PALS1: variants seen among roughly 807,000 people sequenced by gnomAD.
The protein encoded by PALS1 is protein associated with LIN7 1, MAGUK p55 family member.
PALS1 carries 31 observed loss-of-function variants against 78.9 expected under a neutral mutation model. That is an observed-to-expected ratio of 0.39 (90% CI 0.30 to 0.53). The LOEUF is 0.53. Among genes scored for constraint, PALS1 ranks in the 20% least tolerant of loss-of-function variants. The pLI is 0.67. For synonymous variants in PALS1, 276 were observed against 270.9 expected, an observed-to-expected ratio of 1.02 and a Z score of -0.18; for missense variants, 704 against 826.5, an observed-to-expected ratio of 0.85 and a Z score of 1.82.
intron 8 of PALS1, among the ~76,000 whole-genome samples, chr14:67,304,486 G>A (rs903568953): frequency 6.6e-6 from 1 of 152,170 alleles, no homozygotes; most frequent in Admixed American, 6.5e-5. Flanking sequence ...ACTGATATAT[G>A]CTACAACATG....
At chr14:67,271,012 T>C (rs2084399126) in intron 2 of PALS1, 1 of 152,198 alleles carries the variant, frequency 6.6e-6, no homozygotes, top group Admixed American at 6.5e-5. Flanking sequence ...TGCAGGTGCG[T>C]AGTAAAAGAT....
At chr14:67,272,239 T>C (rs971883072) in intron 2 of PALS1, among the ~76,000 whole-genome samples, 1 of 152,224 alleles carries the variant, frequency 6.6e-6, no homozygotes, top group African/African-American at 2.4e-5. Flanking sequence ...TCAAACTTTC[T>C]AGTCCTATCT....
At chr14:67,312,919 A>G (rs1279741895) in intron 9 of PALS1, among the ~76,000 whole-genome samples, 3 of 152,218 alleles carry the variant, frequency 2.0e-5, no homozygotes, top group Non-Finnish European at 4.4e-5. Context: ...GGAATTATGT[A>G]TAACTTCAGC....
intron 14 of PALS1, among the ~76,000 whole-genome samples, chr14:67,327,290 G>A (rs2085373225): frequency 6.6e-6 from 1 of 152,092 alleles, no homozygotes. Context: ...GAGTAGAATT[G>A]CCGGATCAAG....
chr14:67,323,808 C>CA lies in PALS1; in HGVS notation c.1850dup (p.Pro618AlafsTer2). 6.5e-7 allele frequency: 1 copy of CA among 1,540,968 alleles called. No homozygotes were observed. Among genetic ancestry groups the CA allele is most frequent in the Non-Finnish European group, 8.9e-7 (1 of 1,126,306 alleles). ...TTATTGGCCAAAGAAGGCAAGAATCCAAAGGTAAAGTTTTCACACTATTGT... is the reference window on the plus strand; with the variant it reads ...TTATTGGCCAAAGAAGGCAAGAATCCAAAAGGTAAAGTTTTCACACTATTGT... On this transcript the variant is annotated frameshift_variant, in exon 14 of 15. Coordinates refer to ENST00000261681, the MANE Select transcript of PALS1 (RefSeq NM_022474.4). LOFTEE classifies it high-confidence loss of function.
At chr14:67,322,840 G>A (rs10138824) in intron 13 of PALS1, among the ~76,000 whole-genome samples, 22,704 of 152,044 alleles carry the variant, frequency 0.15, 3,172 homozygotes, top group East Asian at 0.42. Context: ...CATTTTGATA[G>A]AGCGTGTCAG....
At chr14:67,249,984 C>T (rs887259048) in intron 1 of PALS1, among the ~76,000 whole-genome samples, 12 of 152,266 alleles carry the variant, frequency 7.9e-5, no homozygotes, top group African/African-American at 2.9e-4. Context: ...ATGTAAGTAA[C>T]GCTTCGGAAA....
In PALS1 at chr14:67,251,369, C is replaced by CA. The variant is rs903284872; in HGVS notation, c.-237+9842dup. Among the ~76,000 whole-genome samples the CA allele has an allele frequency of 4.6e-5, 7 of 152,004 alleles. No individual in the cohort carries two copies. In the East Asian group the frequency reaches 5.8e-4, roughly 13 times the overall value. Reference sequence around the variant, plus strand: ...GCAACACAGTGGGACCCTGTCTCTACAAAAAATACGAAAATTAGCTGGACT... The same window carrying CA: ...GCAACACAGTGGGACCCTGTCTCTACAAAAAAATACGAAAATTAGCTGGACT... On this transcript the variant is annotated intron_variant, in intron 1 of 14. Transcript: ENST00000261681.
At chr14:67,287,617 G>A (rs150777001) in intron 3 of PALS1, among the ~76,000 whole-genome samples, 2 of 152,284 alleles carry the variant, frequency 1.3e-5, no homozygotes, top group African/African-American at 4.8e-5. Flanking sequence ...GTATGAATTG[G>A]TACAAATCCA....
At chr14:67,242,114 A>C (rs67470433) in intron 1 of PALS1, 31,969 of 152,188 alleles carry the variant, frequency 0.21, 5,075 homozygotes, top group East Asian at 0.45. Flanking sequence ...ACTTTGAAGC[A>C]TGTAAATTGT....
intron 4 of PALS1, among the ~76,000 whole-genome samples, 198 bp downstream of exon 4, chr14:67,292,917 C>A: frequency 6.6e-6 from 1 of 152,100 alleles, no homozygotes; most frequent in East Asian, 1.9e-4. Context: ...AGAGTCAGAA[C>A]ACTGTTTCAT....
chr14:67,290,464 G>A (rs1247681858), intron 3 of PALS1, among the ~76,000 whole-genome samples: 1 of 152,054 alleles, frequency 6.6e-6, no homozygotes, highest in African/African-American at 2.4e-5. Context: ...GTGCAGTAGC[G>A]TGATCATGGC....
chr14:67,253,234 T>A (rs1410239875), intron 1 of PALS1, among the ~76,000 whole-genome samples: 1 of 152,198 alleles, frequency 6.6e-6, no homozygotes, highest in Admixed American at 6.5e-5. Flanking sequence ...ACATCAAGAA[T>A]GGTAGGCATG....
At chr14:67,299,424 C>G (rs1415549711) in intron 4 of PALS1, among the ~76,000 whole-genome samples, 2 of 152,004 alleles carry the variant, frequency 1.3e-5, no homozygotes, top group East Asian at 1.9e-4. Context: ...TATCAATTTT[C>G]TGATTTTTCA....
At chr14:67,324,254 A>T (rs947174440) in intron 14 of PALS1, among the ~76,000 whole-genome samples, 11 of 152,222 alleles carry the variant, frequency 7.2e-5, no homozygotes, top group East Asian at 1.9e-4. Flanking sequence ...AAATTTTTTT[A>T]AATTATTTTA....
intron 1 of PALS1, among the ~76,000 whole-genome samples, chr14:67,249,357 TA>T (rs1413966884): frequency 6.6e-6 from 1 of 152,238 alleles, no homozygotes; most frequent in African/African-American, 2.4e-5. Context: ...TTTCATGCTG[TA>T]ATTCTAGGCC....
intron 14 of PALS1, among the ~76,000 whole-genome samples, chr14:67,329,663 G>A (rs1035828786): frequency 3.3e-5 from 5 of 151,920 alleles, no homozygotes; most frequent in African/African-American, 9.7e-5. Flanking sequence ...CGCATCACTT[G>A]AGGCCAGGAG....
intron 3 of PALS1, among the ~76,000 whole-genome samples, chr14:67,281,119 C>A (rs1159642706): frequency 6.6e-6 from 1 of 151,750 alleles, no homozygotes; most frequent in East Asian, 1.9e-4. Flanking sequence ...GGCTGGTCTT[C>A]AACTCCTGAC....
intron 1 of PALS1, among the ~76,000 whole-genome samples, chr14:67,257,458 TG>T (rs1314777894): frequency 6.6e-6 from 1 of 152,180 alleles, no homozygotes; most frequent in East Asian, 1.9e-4. Flanking sequence ...TTAGTGGTTT[TG>T]GGGTCCTGAT....
Sources: allele counts gnomAD v4.1 joint callset (sites outside exome capture counted in the v4.1 genomes callset), GRCh38; gene constraint gnomAD v4.1.1; transcripts MANE v1.5; gene names NCBI Gene and HGNC (gene_info 2026-07-23, HGNC 2026-07-21).